Variants in CHL1 observed in about 807,000 individuals in gnomAD.
CHL1 encodes the protein cell adhesion molecule L1 like, also known as neural cell adhesion molecule L1-like protein.
A neutral mutation model predicts 141.9 loss-of-function variants in CHL1; 96 were observed. The observed-to-expected ratio is 0.68, with a 90% confidence interval of 0.57 to 0.80. CHL1 has a LOEUF of 0.80. CHL1 is among the 30% of genes least tolerant of loss of function. The pLI is 0.00. For missense variants in CHL1, 1,820 were observed against 1,457.2 expected (o/e 1.25, Z -4.05); for synonymous variants, 613 against 502.2 (o/e 1.22, Z -2.95).
rs201186309 is a variant in CHL1, at chr3:405,640, G to A, written c.3604G>A (p.Ala1202Thr). The change falls in exon 28 of 28, where the codon GCT (alanine) becomes ACT (threonine). Residue 1202 changes from alanine to threonine, a missense_variant. Coordinates refer to ENST00000256509, the MANE Select transcript of CHL1 (RefSeq NM_006614.4). ...AGATGGATCATTTATTGGTGCCTAC[G>A]CTGGATCTAAGGAGAAGGGATCTGT... ...SEDGSFIGAY[A>T]GSKEKGSVES... The A allele has an allele frequency of 3.2e-4, 510 of 1,613,486 alleles. No individual in the cohort carries two copies. Among genetic ancestry groups the A allele is most frequent in the Non-Finnish European group, 3.9e-4 (458 of 1,179,560 alleles).
intron 1 of CHL1, chr3:197,566 GA>G (rs1698444763): frequency 3.1e-6 from 1 of 327,236 alleles, no homozygotes; most frequent in Admixed American, 3.9e-5. Context: ...GTGGGGCTCA[GA>G]CCCCCCCAGT....
chr3:243,034 C>T (rs1333665486), intron 1 of CHL1, among the ~76,000 whole-genome samples: 1 of 152,042 alleles, frequency 6.6e-6, no homozygotes, highest in Non-Finnish European at 1.5e-5. Context: ...ATGTCTTAGA[C>T]AGATCTAATG....
At chr3:283,365 G>C (rs1007149398) in intron 2 of CHL1, among the ~76,000 whole-genome samples, 1 of 152,158 alleles carries the variant, frequency 6.6e-6, no homozygotes, top group African/African-American at 2.4e-5. Flanking sequence ...AAGAGTATAA[G>C]TTTCCTGAGA....
intron 1 of CHL1, among the ~76,000 whole-genome samples, chr3:238,777 A>C (rs940986371): frequency 6.6e-6 from 1 of 151,604 alleles, no homozygotes; most frequent in African/African-American, 2.4e-5. Flanking sequence ...ATACAAAAAA[A>C]AAAAAAATAG....
chr3:288,454 A>G (rs1309989087), intron 2 of CHL1, among the ~76,000 whole-genome samples: 1 of 151,976 alleles, frequency 6.6e-6, no homozygotes, highest in Non-Finnish European at 1.5e-5. Flanking sequence ...CCAGAAGGTA[A>G]TTAGCAACTG....
chr3:306,649 C>A (rs1699252084), intron 2 of CHL1, among the ~76,000 whole-genome samples: 1 of 151,446 alleles, frequency 6.6e-6, no homozygotes, highest in Non-Finnish European at 1.5e-5. Flanking sequence ...TTGTCTTTAA[C>A]CAAAAAATTT....
chr3:396,062 TA>T (rs1232274437), intron 24 of CHL1, among the ~76,000 whole-genome samples: 3 of 152,186 alleles, frequency 2.0e-5, no homozygotes, highest in Admixed American at 6.5e-5. Context: ...TCAGATTCCT[TA>T]AACATTTAAA....
At position 344,798 on chromosome 3, in the gene CHL1, A is replaced by G. The variant is rs1702628730; in HGVS notation, c.848+89A>G. ...GCACATTAAGACTGTGCTTGCAAAG[A>G]TATTTTAAAATTATTTCCTTAAAAA... On this transcript the variant is annotated intron_variant, in intron 9 of 27. Transcript: ENST00000256509. 14 of 1,278,128 alleles carry G rather than the reference A, an allele frequency of 1.1e-5. No homozygotes were observed. The Admixed American group carries it at 1.2e-4, about 11-fold the overall frequency. 79.2% of individuals were successfully genotyped at this position (1,278,128 alleles called of 1,614,324 possible).
rs1043473660 is a variant in CHL1, at chr3:377,791, A to T, written c.1752-27A>T. On this transcript the variant is annotated intron_variant, in intron 15 of 27. Coordinates refer to ENST00000256509, the MANE Select transcript of CHL1 (RefSeq NM_006614.4). ...TATCATTTCTATTGTTTTCCTTCTC[A>T]TCATGTACTCACTTTTTTTCTGATA... 4 of 1,578,990 alleles carry T rather than the reference A, an allele frequency of 2.5e-6. No individual in the cohort carries two copies. In the East Asian group the frequency reaches 6.7e-5, roughly 27 times the overall value.
intron 5 of CHL1, among the ~76,000 whole-genome samples, chr3:339,608 G>A (rs528102857): frequency 6.6e-6 from 1 of 152,270 alleles, no homozygotes; most frequent in African/African-American, 2.4e-5. Context: ...CCCCTGCAAT[G>A]TTAAGCCTTG....
At chr3:404,831 A>G (rs1307120289) in intron 27 of CHL1, among the ~76,000 whole-genome samples, 1 of 152,194 alleles carries the variant, frequency 6.6e-6, no homozygotes. Context: ...CATTAGGGCT[A>G]CTATAACAAA....
At chr3:235,718 GT>G (rs1245964952) in intron 1 of CHL1, among the ~76,000 whole-genome samples, 5 of 152,180 alleles carry the variant, frequency 3.3e-5, no homozygotes, top group African/African-American at 1.2e-4. Flanking sequence ...GTAATATAAA[GT>G]CAGAACTGGG....
chr3:324,314 T>C (rs1700829057), intron 3 of CHL1, among the ~76,000 whole-genome samples: 2 of 152,220 alleles, frequency 1.3e-5, no homozygotes, highest in South Asian at 2.1e-4. Flanking sequence ...GCTTTTCTCA[T>C]ACTTTATTTG....
At chr3:262,441 C>T (rs1341609482) in intron 2 of CHL1, among the ~76,000 whole-genome samples, 29 of 93,748 alleles carry the variant, frequency 3.1e-4, no homozygotes, top group African/African-American at 1.7e-3. Context: ...ACACAGTACT[C>T]ACAGGGCAGG....
intron 1 of CHL1, among the ~76,000 whole-genome samples, chr3:226,078 G>A (rs370402472): frequency 2.0e-5 from 3 of 150,950 alleles, no homozygotes; most frequent in Non-Finnish European, 4.4e-5. Context: ...AGAGAGTGCG[G>A]AGGCACGATC....
chr3:206,682 G>T (rs1285771301), intron 1 of CHL1, among the ~76,000 whole-genome samples: 1 of 152,192 alleles, frequency 6.6e-6, no homozygotes, highest in Non-Finnish European at 1.5e-5. Flanking sequence ...GGAGGTTACA[G>T]GGAGGAGACA....
intron 1 of CHL1, among the ~76,000 whole-genome samples, chr3:204,746 A>G (rs954253418): frequency 6.6e-6 from 1 of 152,184 alleles, no homozygotes; most frequent in Non-Finnish European, 1.5e-5. Flanking sequence ...TCCAAGACTG[A>G]TACTGGATGC....
At chr3:312,964 T>C (rs916016684) in intron 2 of CHL1, among the ~76,000 whole-genome samples, 3 of 152,212 alleles carry the variant, frequency 2.0e-5, no homozygotes, top group African/African-American at 7.2e-5. Flanking sequence ...AAATGTTGTT[T>C]AATGATTTTG....
At chr3:364,443 G>A (rs769372152) in intron 14 of CHL1, among the ~76,000 whole-genome samples, 1 of 152,292 alleles carries the variant, frequency 6.6e-6, no homozygotes, top group South Asian at 2.1e-4. Flanking sequence ...TCAGCTAGGT[G>A]TAAGGAGCGT....
Sources: gnomAD v4.1 joint callset for allele counts (sites outside exome capture counted in the v4.1 genomes callset) on GRCh38, gnomAD v4.1.1 for gene constraint, MANE v1.5 for transcripts, NCBI Gene and HGNC (gene_info 2026-07-23, HGNC 2026-07-21) for gene names.